The following NIPA2 variants were observed in gnomAD, a reference collection of about 807,000 sequenced individuals.
NIPA2 encodes NIPA magnesium transporter 2.
A neutral mutation model predicts 29.7 loss-of-function variants in NIPA2; 11 were observed. The ratio of observed to expected loss-of-function variants is 0.37; its 90% CI spans 0.23 to 0.61. The LOEUF is 0.61. Ranked by LOEUF, NIPA2 falls within the 20% of genes least tolerant of loss-of-function variation. The probability of loss-of-function intolerance (pLI) is 0.66; values close to 1 mark genes in which losing one functional copy is unlikely to be tolerated. For synonymous variants in NIPA2, 183 were observed against 161.9 expected (o/e 1.13, Z -0.99); for missense variants, 426 against 437.9 (o/e 0.97, Z 0.24).
chr15:22,860,915 A>G (rs1211908922), intron 7 of NIPA2, 126 bp downstream of exon 7: 1 of 651,846 alleles, frequency 1.5e-6, no homozygotes, highest in Admixed American at 3.5e-5. Flanking sequence ...AATTGTCGTC[A>G]TGTTCCCTGC....
intron 3 of NIPA2, among the ~76,000 whole-genome samples, chr15:22,846,395 G>T (rs1285460091): frequency 6.6e-6 from 1 of 152,088 alleles, no homozygotes; most frequent in Admixed American, 6.5e-5. Flanking sequence ...TGTAATACTG[G>T]CTCTTAATGT....
At chr15:22,839,099 C>T (rs1454793501) in intron 1 of NIPA2, 178 bp downstream of exon 1, 1 of 152,152 alleles carries the variant, frequency 6.6e-6, no homozygotes, top group African/African-American at 2.4e-5. Flanking sequence ...CCGTTCAGTC[C>T]CACGGAAGCC....
At chr15:22,839,376 G>A (rs565154845) in intron 1 of NIPA2, among the ~76,000 whole-genome samples, 2 of 152,222 alleles carry the variant, frequency 1.3e-5, no homozygotes, top group Admixed American at 6.5e-5. Flanking sequence ...TCTTTTCTAG[G>A]TTGTTAGTTC....
At chr15:22,849,000 A>G (rs1465963957) in intron 3 of NIPA2, among the ~76,000 whole-genome samples, 1 of 152,182 alleles carries the variant, frequency 6.6e-6, no homozygotes, top group East Asian at 1.9e-4. Context: ...TGGCTGATAA[A>G]CACAGATCAA....
intron 3 of NIPA2, among the ~76,000 whole-genome samples, chr15:22,851,047 T>C (rs915655608): frequency 7.9e-5 from 12 of 152,156 alleles, no homozygotes; most frequent in Admixed American, 7.9e-4. Context: ...CCAGATACCA[T>C]GGTCCTCATG....
In NIPA2 at chr15:22,851,553, G is replaced by A. The variant is rs7171241; in HGVS notation, c.-93-86G>A. On this transcript the variant is annotated intron_variant, in intron 3 of 7. Transcript: ENST00000337451. ...ATGAAGGAGCTATTTTTTCTTTAGG[G>A]GAAGAGAAATGGAGTAAAATTTTGA... 74,310 of 390,054 alleles carry A rather than the reference G, an allele frequency of 0.19. 7,708 individuals carry two copies. The highest frequency in any genetic ancestry group is 0.31 in the Admixed American group (7,139 of 22,750). The allele number at this position is 390,054 out of a possible 1,614,324, so 24.2% of individuals were successfully genotyped here.
chr15:22,843,715 A>G (rs886688784), intron 2 of NIPA2, among the ~76,000 whole-genome samples: 7 of 151,472 alleles, frequency 4.6e-5, no homozygotes, highest in Admixed American at 1.3e-4. Flanking sequence ...CAGTGGTGCA[A>G]TCTTGGCTCA....
At chr15:22,865,754 C>T (rs570043217) in intron 7 of NIPA2, among the ~76,000 whole-genome samples, 3 of 152,100 alleles carry the variant, frequency 2.0e-5, no homozygotes, top group Middle Eastern at 3.4e-3. Flanking sequence ...TTGACTTGCT[C>T]GTTACTCCAG....
At chr15:22,851,372 A>C (rs1401094305) in intron 3 of NIPA2, among the ~76,000 whole-genome samples, 1 of 152,050 alleles carries the variant, frequency 6.6e-6, no homozygotes, top group African/African-American at 2.4e-5. Context: ...AGAAAGTTTT[A>C]TTAAGGCTAG....
Position 22,867,300 on chromosome 15 carries a change from CTGTT to C in NIPA2, c.*460_*463del, listed in dbSNP as rs959966861. 4.0e-5 allele frequency: 16 copies of C among 398,198 alleles called. No homozygotes were observed. The highest frequency in any genetic ancestry group is 1.3e-4 in the South Asian group (1 of 7,834). 24.7% of individuals were successfully genotyped at this position (398,198 alleles called of 1,614,324 possible). ...TTTACCTTACCTACAAAAGTGGCTC[CTGTT>C]TGTTTGATGATGATTGGTTTTATTT... On this transcript the variant is annotated 3_prime_UTR_variant, in exon 8 of 8. Transcript: ENST00000337451.
At chr15:22,846,053 TGA>T (rs1898538369) in intron 3 of NIPA2, among the ~76,000 whole-genome samples, 1 of 151,924 alleles carries the variant, frequency 6.6e-6, no homozygotes, top group South Asian at 2.1e-4. Context: ...ACCTTGTCAG[TGA>T]GAGAGGGATT....
In NIPA2 at chr15:22,867,058, T is replaced by G. The variant is rs762494960; in HGVS notation, c.*211T>G. 9.6e-6 allele frequency: 5 copies of G among 523,322 alleles called. No homozygotes were observed. The highest frequency in any genetic ancestry group is 1.3e-5 in the Non-Finnish European group (4 of 301,532). 32.4% of individuals were successfully genotyped at this position (523,322 alleles called of 1,614,324 possible). A position where few individuals can be genotyped will look rare whatever the true frequency, so the allele number is the denominator to read the frequency against. On this transcript the variant is annotated 3_prime_UTR_variant, in exon 8 of 8. Transcript: ENST00000337451. ...TGACCTCAGCACATGACGATTTCTA[T>G]TAACATTTTATTGTTGTAGAAGTAT...
chr15:22,859,218 CATCCCAGTAT>C (rs2058434221), intron 6 of NIPA2, among the ~76,000 whole-genome samples: 1 of 151,694 alleles, frequency 6.6e-6, no homozygotes, highest in Non-Finnish European at 1.5e-5. Context: ...AAGTTACACT[CATCCCAGTAT>C]TTATCATTCA....
chr15:22,843,002 CAA>C (rs60054939), intron 2 of NIPA2, among the ~76,000 whole-genome samples: 18 of 107,228 alleles, frequency 1.7e-4, no homozygotes, highest in Admixed American at 2.9e-4. Context: ...GACTCTGTCT[CAA>C]AAAAAAAAAA....
chr15:22,850,511 T>C (rs929474191), intron 3 of NIPA2, among the ~76,000 whole-genome samples: 1 of 152,166 alleles, frequency 6.6e-6, no homozygotes, highest in African/African-American at 2.4e-5. Flanking sequence ...TTCTTGGGAG[T>C]AATATCAACT....
intron 2 of NIPA2, among the ~76,000 whole-genome samples, chr15:22,842,253 A>G (rs11635213): frequency 0.44 from 66,914 of 151,986 alleles, 16,881 homozygotes; most frequent in Non-Finnish European, 0.56. Context: ...AGTGAAGGCA[A>G]TACTAGTTAA....
At chr15:22,865,689 G>A (rs1470888444) in intron 7 of NIPA2, among the ~76,000 whole-genome samples, 1 of 152,086 alleles carries the variant, frequency 6.6e-6, no homozygotes, top group Non-Finnish European at 1.5e-5. Flanking sequence ...TATCATGCTG[G>A]ATTTAATTCT....
At chr15:22,857,156 C>T (rs149887117) in intron 5 of NIPA2, among the ~76,000 whole-genome samples, 1 of 152,298 alleles carries the variant, frequency 6.6e-6, no homozygotes, top group East Asian at 1.9e-4. Flanking sequence ...AGAGGCTGGG[C>T]GTGGTGGCTC....
chr15:22,867,305 T>G lies in NIPA2; in HGVS notation c.*458T>G. On this transcript the variant is annotated 3_prime_UTR_variant, in exon 8 of 8. Coordinates refer to ENST00000337451, the MANE Select transcript of NIPA2 (RefSeq NM_030922.7). ...CTTACCTACAAAAGTGGCTCCTGTT[T>G]GTTTGATGATGATTGGTTTTATTTT... 2.5e-6 allele frequency: 1 copy of G among 398,354 alleles called. No individual in the cohort carries two copies. 24.7% of individuals were successfully genotyped at this position (398,354 alleles called of 1,614,324 possible). A position where few individuals can be genotyped will look rare whatever the true frequency, so the allele number is the denominator to read the frequency against.
Sources: gnomAD v4.1 joint callset for allele counts (sites outside exome capture counted in the v4.1 genomes callset) on GRCh38, gnomAD v4.1.1 for gene constraint, MANE v1.5 for transcripts, NCBI Gene and HGNC (gene_info 2026-07-23, HGNC 2026-07-21) for gene names.